Variants in FMN1 observed in about 807,000 individuals in gnomAD.
FMN1 encodes the protein formin 1.
Under a neutral mutation model 132.4 loss-of-function variants are expected in FMN1, and 110 were observed. That is an observed-to-expected ratio of 0.83 (90% CI 0.71 to 0.97). The LOEUF (loss-of-function observed/expected upper bound fraction) is 0.97. Ranked by LOEUF, FMN1 falls within the 50% of genes least tolerant of loss-of-function variation. The pLI is 0.00. For missense variants in FMN1, 1,792 were observed against 1,705.3 expected, an observed-to-expected ratio of 1.05 and a Z score of -0.90; for synonymous variants, 722 against 651.7, an observed-to-expected ratio of 1.11 and a Z score of -1.64.
rs542936969 is a variant in FMN1, at chr15:33,041,606, G to A, written c.2161+23351C>T. ...AAGAAGACATACAAATGGCTAATAA[G>A]CAAATGAAAAGATGCTCAACCTTAC... On this transcript the variant is annotated intron_variant, in intron 6 of 20. Transcript: ENST00000616417. Among the ~76,000 whole-genome samples the A allele has an allele frequency of 7.2e-5, 11 of 151,930 alleles. No homozygotes were observed. The South Asian group carries it at 2.1e-3, about 29-fold the overall frequency.
intron 4 of FMN1, among the ~76,000 whole-genome samples, chr15:33,146,745 A>C (rs1054972692): frequency 6.6e-6 from 1 of 152,200 alleles, no homozygotes; most frequent in Non-Finnish European, 1.5e-5. Context: ...AGAAGTCACT[A>C]TCCCTGTAAG....
intron 4 of FMN1, among the ~76,000 whole-genome samples, chr15:33,090,360 T>C (rs1595449300): frequency 6.6e-6 from 1 of 152,172 alleles, no homozygotes; most frequent in South Asian, 2.1e-4. Context: ...AGCATGCTTA[T>C]ATTAGAGTAG....
intron 4 of FMN1, among the ~76,000 whole-genome samples, chr15:33,117,188 CA>C (rs112609063): frequency 0.013 from 1,926 of 152,232 alleles, 40 homozygotes; most frequent in African/African-American, 0.044. Context: ...ACGGAGTCCC[CA>C]ACCCCTACTC....
intron 4 of FMN1, among the ~76,000 whole-genome samples, chr15:33,116,754 CTTTT>C (rs11346902): frequency 6.6e-6 from 1 of 151,486 alleles, no homozygotes; most frequent in Non-Finnish European, 1.5e-5. Flanking sequence ...CTAGATATGG[CTTTT>C]TTTTCCCTCA....
intron 4 of FMN1, among the ~76,000 whole-genome samples, chr15:33,111,872 T>C (rs1410102017): frequency 6.6e-6 from 1 of 152,192 alleles, no homozygotes; most frequent in African/African-American, 2.4e-5. Context: ...ATTTTGATGA[T>C]GGTTGTACAA....
intron 4 of FMN1, among the ~76,000 whole-genome samples, chr15:33,127,690 T>C (rs149727876): frequency 6.6e-6 from 1 of 152,306 alleles, no homozygotes; most frequent in Non-Finnish European, 1.5e-5. Context: ...AAACCCTCTT[T>C]GGACGTAAGC....
chr15:32,780,398 T>C (rs1380094160), intron 19 of FMN1, among the ~76,000 whole-genome samples: 1 of 152,168 alleles, frequency 6.6e-6, no homozygotes, highest in Non-Finnish European at 1.5e-5. Flanking sequence ...CTCCCATTAG[T>C]GCCAAGACAG....
intron 5 of FMN1, among the ~76,000 whole-genome samples, chr15:33,088,195 A>T (rs117225334): frequency 6.6e-6 from 1 of 152,316 alleles, no homozygotes; most frequent in Non-Finnish European, 1.5e-5. Flanking sequence ...CTGTTCGCCA[A>T]AAACCTATTG....
At chr15:33,090,588 C>T (rs947686989) in intron 4 of FMN1, among the ~76,000 whole-genome samples, 12 of 152,074 alleles carry the variant, frequency 7.9e-5, no homozygotes, top group Non-Finnish European at 1.5e-4. Flanking sequence ...ACACAGTTGT[C>T]TAGAAGAGTA....
intron 4 of FMN1, among the ~76,000 whole-genome samples, chr15:33,148,967 C>A: frequency 8.8e-6 from 1 of 113,926 alleles, no homozygotes; most frequent in Non-Finnish European, 1.7e-5. Context: ...TACTCCCCAC[C>A]CCCGACCCCA....
chr15:32,859,290 T>C (rs548932719), intron 16 of FMN1, among the ~76,000 whole-genome samples: 2 of 152,278 alleles, frequency 1.3e-5, no homozygotes, highest in South Asian at 4.1e-4. Context: ...TCATCACAAA[T>C]TCAACTAAAT....
Position 32,968,839 on chromosome 15 carries a change from T to C in FMN1, c.2862A>G (p.Pro954=). 2.0e-6 allele frequency: 2 copies of C among 1,019,070 alleles called. No individual in the cohort carries two copies. The highest frequency in any genetic ancestry group is 2.7e-6 in the Non-Finnish European group (2 of 744,136). The allele number at this position is 1,019,070 out of a possible 1,614,324, so 63.1% of individuals were successfully genotyped here. The change falls in exon 8 of 21, where the codon CCA becomes CCG. Residue 954 remains proline, a synonymous_variant. Coordinates refer to ENST00000616417, the MANE Select transcript of FMN1 (RefSeq NM_001277313.2). ...PAPPPPGLAP[P]PPPGLFFGLG... is the part of the protein sequence containing the mutation. ...GTCCAAAGAAGAGTCCAGGGGGAGGTGGGGGTGCAAGTCCTGGGGGTGGTG... is the reference window on the plus strand; with the variant it reads ...GTCCAAAGAAGAGTCCAGGGGGAGGCGGGGGTGCAAGTCCTGGGGGTGGTG...
At chr15:33,111,225 T>A (rs1173820712) in intron 4 of FMN1, among the ~76,000 whole-genome samples, 1 of 152,052 alleles carries the variant, frequency 6.6e-6, no homozygotes, top group Non-Finnish European at 1.5e-5. Flanking sequence ...CAAGTTAATT[T>A]AAAAAATAAA....
chr15:32,834,381 T>A (rs535620589), intron 17 of FMN1, among the ~76,000 whole-genome samples: 2 of 152,266 alleles, frequency 1.3e-5, no homozygotes, highest in South Asian at 2.1e-4. Flanking sequence ...ATTGAGGAAG[T>A]AAGACCTTAA....
Position 33,116,586 on chromosome 15 carries a change from T to A in FMN1, c.1868-27612A>T, listed in dbSNP as rs560694271. Reference sequence around the variant, plus strand: ...ATTTAGTTTGTCGAAAGTTTTTTTTTTAATTTTTTAACACCTCCCAGGCTT... The same window carrying A: ...ATTTAGTTTGTCGAAAGTTTTTTTTATAATTTTTTAACACCTCCCAGGCTT... On this transcript the variant is annotated intron_variant, in intron 4 of 20. Coordinates refer to ENST00000616417, the MANE Select transcript of FMN1 (RefSeq NM_001277313.2). Among the ~76,000 whole-genome samples the A allele has an allele frequency of 2.6e-5, 4 of 152,304 alleles. No individual in the cohort carries two copies. In the East Asian group the frequency reaches 7.7e-4, roughly 29 times the overall value.
At chr15:32,958,254 C>T (rs2030058261) in intron 9 of FMN1, among the ~76,000 whole-genome samples, 1 of 152,072 alleles carries the variant, frequency 6.6e-6, no homozygotes, top group Non-Finnish European at 1.5e-5. Flanking sequence ...TTAATAATGG[C>T]TACTCTCATT....
intron 4 of FMN1, among the ~76,000 whole-genome samples, chr15:33,119,163 T>C (rs538953435): frequency 6.6e-6 from 1 of 152,288 alleles, no homozygotes; most frequent in Admixed American, 6.5e-5. Flanking sequence ...ATTCTGATGA[T>C]CTAGTTAGAT....
At chr15:32,923,027 G>A (rs1179967507) in intron 10 of FMN1, among the ~76,000 whole-genome samples, 1 of 152,172 alleles carries the variant, frequency 6.6e-6, no homozygotes, top group Non-Finnish European at 1.5e-5. Flanking sequence ...TCCTCTAAGT[G>A]AATATACTGG....
In FMN1 at chr15:32,859,979, A is replaced by G. The variant is rs146934901; in HGVS notation, c.3836-2872T>C. Among the ~76,000 whole-genome samples the G allele has an allele frequency of 2.9e-3, 444 of 152,226 alleles. 5 individuals carry two copies. The highest frequency in any genetic ancestry group is 0.01 in the African/African-American group (423 of 41,540). ...TTTCTGCCCAGGAGTTCGAGGCTGC[A>G]GTGTCATACCATTGTACTCTGGCCT... On this transcript the variant is annotated intron_variant, in intron 16 of 20. Coordinates refer to ENST00000616417, the MANE Select transcript of FMN1 (RefSeq NM_001277313.2).
Sources: allele counts gnomAD v4.1 joint callset (sites outside exome capture counted in the v4.1 genomes callset), GRCh38; gene constraint gnomAD v4.1.1; transcripts MANE v1.5; gene names NCBI Gene and HGNC (gene_info 2026-07-23, HGNC 2026-07-21).